Variants in AUTS2 observed in about 807,000 individuals in gnomAD.
AUTS2 encodes activator of transcription and developmental regulator AUTS2.
Under a neutral mutation model 112.4 loss-of-function variants are expected in AUTS2, and 17 were observed. The ratio of observed to expected loss-of-function variants is 0.15; its 90% confidence interval spans 0.10 to 0.23. The LOEUF (loss-of-function observed/expected upper bound fraction) is 0.23. AUTS2 is among the 10% of genes least tolerant of loss of function. AUTS2 has a pLI of 1.00. For synonymous variants in AUTS2, 751 were observed against 702.7 expected (o/e 1.07, Z -1.09); for missense variants, 1,510 against 1,701.6 (o/e 0.89, Z 1.98).
At chr7:70,742,731 C>T (rs1788191451) in intron 6 of AUTS2, among the ~76,000 whole-genome samples, 1 of 152,118 alleles carries the variant, frequency 6.6e-6, no homozygotes, top group East Asian at 1.9e-4. Context: ...CCTTGCACTC[C>T]AGCCTGGGCA....
intron 4 of AUTS2, among the ~76,000 whole-genome samples, chr7:70,186,133 T>C (rs1809591339): frequency 6.6e-6 from 1 of 152,176 alleles, no homozygotes; most frequent in Admixed American, 6.5e-5. Context: ...AGTATGTTAT[T>C]CATGTAGCTA....
At chr7:70,522,438 A>G (rs1799680892) in intron 5 of AUTS2, among the ~76,000 whole-genome samples, 2 of 152,164 alleles carry the variant, frequency 1.3e-5, no homozygotes, top group African/African-American at 4.8e-5. Context: ...GTATTTCTTT[A>G]GCTCTTGCCT....
intron 5 of AUTS2, among the ~76,000 whole-genome samples, chr7:70,449,041 A>G (rs1055078133): frequency 6.6e-6 from 1 of 152,222 alleles, no homozygotes; most frequent in Non-Finnish European, 1.5e-5. Context: ...TTTTGTTTCA[A>G]ATAACATACA....
chr7:69,935,787 G>A (rs1796386115), intron 2 of AUTS2, among the ~76,000 whole-genome samples: 1 of 152,076 alleles, frequency 6.6e-6, no homozygotes, highest in Non-Finnish European at 1.5e-5. Context: ...GAGCAGGCTG[G>A]GCACATAGGG....
At chr7:69,834,289 G>A (rs760156412) in intron 1 of AUTS2, among the ~76,000 whole-genome samples, 5 of 152,102 alleles carry the variant, frequency 3.3e-5, no homozygotes, top group Non-Finnish European at 5.9e-5. Flanking sequence ...ATTTTACAAC[G>A]AAATTGTTTA....
chr7:70,282,097 G>A (rs973389757), intron 4 of AUTS2, among the ~76,000 whole-genome samples: 1 of 152,132 alleles, frequency 6.6e-6, no homozygotes, highest in Non-Finnish European at 1.5e-5. Context: ...AGCAATATTT[G>A]GGGTACCCAT....
At chr7:70,713,856 A>G (rs1250354306) in intron 6 of AUTS2, among the ~76,000 whole-genome samples, 1 of 151,368 alleles carries the variant, frequency 6.6e-6, no homozygotes, top group African/African-American at 2.4e-5. Flanking sequence ...AGATCGCGCC[A>G]TTGCACTCCA....
intron 5 of AUTS2, among the ~76,000 whole-genome samples, chr7:70,634,681 A>G (rs1268115964): frequency 2.0e-5 from 3 of 152,160 alleles, no homozygotes; most frequent in Non-Finnish European, 4.4e-5. Context: ...CCATGTGCAT[A>G]TGGACCCACA....
chr7:69,684,424 C>T (rs546381864), intron 1 of AUTS2, among the ~76,000 whole-genome samples: 1 of 152,298 alleles, frequency 6.6e-6, no homozygotes, highest in African/African-American at 2.4e-5. Flanking sequence ...TTTGCTAGCA[C>T]TGTCTTCACA....
chr7:69,914,151 A>G (rs771634382), intron 2 of AUTS2, among the ~76,000 whole-genome samples: 1 of 152,012 alleles, frequency 6.6e-6, no homozygotes, highest in Non-Finnish European at 1.5e-5. Context: ...CTGCACTCCA[A>G]GCTCTACTGA....
intron 2 of AUTS2, among the ~76,000 whole-genome samples, chr7:70,084,294 A>G (rs997762932): frequency 6.6e-6 from 1 of 152,138 alleles, no homozygotes; most frequent in Non-Finnish European, 1.5e-5. Context: ...TGGATATACC[A>G]TAGTGTGTGT....
At chr7:70,409,976 G>T (rs1794704016) in intron 4 of AUTS2, among the ~76,000 whole-genome samples, 1 of 152,236 alleles carries the variant, frequency 6.6e-6, no homozygotes, top group African/African-American at 2.4e-5. Flanking sequence ...GAGAACAGTT[G>T]AGTGCATTTA....
chr7:70,284,583 C>T (rs1398439165), intron 4 of AUTS2, among the ~76,000 whole-genome samples: 1 of 152,140 alleles, frequency 6.6e-6, no homozygotes, highest in African/African-American at 2.4e-5. Context: ...AGGTTGAACA[C>T]CTTTTCATAT....
intron 5 of AUTS2, among the ~76,000 whole-genome samples, chr7:70,643,691 G>A (rs1805985308): frequency 6.6e-6 from 1 of 152,134 alleles, no homozygotes; most frequent in Non-Finnish European, 1.5e-5. Context: ...AATTTTTCTA[G>A]ACTGCCTTTT....
At chr7:69,844,485 A>C (rs1319464236) in intron 1 of AUTS2, among the ~76,000 whole-genome samples, 5 of 152,190 alleles carry the variant, frequency 3.3e-5, no homozygotes, top group Non-Finnish European at 7.3e-5. Context: ...GGTTTTCAGA[A>C]GTCATTCCAA....
chr7:69,608,051 T>C lies in AUTS2; in HGVS notation c.309+8089T>C, dbSNP rs548275928. ...CCTGGGCTCAGGTGATCTTCCCACCTCACCCTCCCAAGTGCTGGGACTACA... is the reference window on the plus strand; with the variant it reads ...CCTGGGCTCAGGTGATCTTCCCACCCCACCCTCCCAAGTGCTGGGACTACA... On this transcript the variant is annotated intron_variant, in intron 1 of 18. Transcript: ENST00000342771. Among the ~76,000 whole-genome samples, 7 of 152,238 alleles carry C rather than the reference T, an allele frequency of 4.6e-5. No homozygotes were observed. In the South Asian group the frequency reaches 8.3e-4, roughly 18 times the overall value.
intron 2 of AUTS2, among the ~76,000 whole-genome samples, chr7:69,999,560 T>C (rs544879796): frequency 6.6e-6 from 1 of 152,288 alleles, no homozygotes; most frequent in Non-Finnish European, 1.5e-5. Flanking sequence ...TTCTCTGTTT[T>C]TTGTAAGTGT....
chr7:70,480,467 G>C (rs1797748135), intron 5 of AUTS2, among the ~76,000 whole-genome samples: 1 of 152,180 alleles, frequency 6.6e-6, no homozygotes, highest in Non-Finnish European at 1.5e-5. Flanking sequence ...AAGTTCTTAA[G>C]GCTCATTCAT....
intron 2 of AUTS2, among the ~76,000 whole-genome samples, chr7:70,019,491 T>C (rs1402715489): frequency 6.6e-6 from 1 of 152,252 alleles, no homozygotes; most frequent in East Asian, 1.9e-4. Context: ...TTCTCTTTTT[T>C]ATTGTATATT....
Sources: gnomAD v4.1 joint callset for allele counts (sites outside exome capture counted in the v4.1 genomes callset) on GRCh38, gnomAD v4.1.1 for gene constraint, MANE v1.5 for transcripts, NCBI Gene and HGNC (gene_info 2026-07-23, HGNC 2026-07-21) for gene names.